Variants in SWT1 observed in about 807,000 individuals in gnomAD.
The protein encoded by SWT1 is SWT1 RNA endoribonuclease homolog, also known as transcriptional protein SWT1.
Under a neutral mutation model 107.3 loss-of-function variants are expected in SWT1, and 33 were observed. That is an observed-to-expected ratio of 0.31 (90% CI 0.23 to 0.41). The LOEUF (loss-of-function observed/expected upper bound fraction) is 0.41. SWT1 is among the 10% of genes least tolerant of loss of function. SWT1 has a pLI of 1.00. For missense variants in SWT1, 898 were observed against 1,028.9 expected (o/e 0.87, Z 1.74); for synonymous variants, 345 against 348.3 (o/e 0.99, Z 0.11).
chr1:185,161,253 T>A (rs1398922510), intron 2 of SWT1, among the ~76,000 whole-genome samples: 1 of 152,198 alleles, frequency 6.6e-6, no homozygotes. Context: ...TAACTCAACA[T>A]TGAACCATTT....
Position 185,184,824 on chromosome 1 carries a change from G to T in SWT1, c.1322G>T (p.Arg441Leu). The T allele has an allele frequency of 6.2e-7, 1 of 1,602,854 alleles. No homozygotes were observed. The highest frequency in any genetic ancestry group is 1.7e-5 in the Admixed American group (1 of 57,774). Residue 441 changes from arginine (R) to leucine (L), a missense_variant, in exon 9 of 19, where the codon CGT becomes CTT. This residue lies in a region of SWT1 where 34 missense variants were observed against 50.2 expected (regional missense o/e 0.68). Transcript: ENST00000367500. ...DRMKEGKLLK[R>L]AQHKAIPAVH... ...ATGAAGGAAGGAAAACTACTAAAACGTGCCCAGCACAAAGCTATACCTGCA... is the reference window on the plus strand; with the variant it reads ...ATGAAGGAAGGAAAACTACTAAAACTTGCCCAGCACAAAGCTATACCTGCA...
intron 4 of SWT1, 73 bp from the exon 5 acceptor site, chr1:185,174,299 T>C: frequency 1.6e-6 from 2 of 1,233,852 alleles, no homozygotes; most frequent in Non-Finnish European, 2.2e-6. Context: ...AATTCTGTTA[T>C]TCTAACTAAA....
intron 16 of SWT1, among the ~76,000 whole-genome samples, chr1:185,267,033 G>A (rs74729345): frequency 0.029 from 4,465 of 152,246 alleles, 117 homozygotes; most frequent in East Asian, 0.049. Context: ...GATGGTAGTG[G>A]TTGTCCTTTT....
intron 10 of SWT1, 112 bp downstream of exon 10, chr1:185,190,754 A>G: frequency 1.6e-6 from 1 of 616,036 alleles, no homozygotes; most frequent in East Asian, 2.8e-5. Context: ...AATTTTCCAA[A>G]TCTGCCAGTA....
intron 16 of SWT1, among the ~76,000 whole-genome samples, chr1:185,259,366 A>G (rs868246343): frequency 5.9e-5 from 9 of 152,192 alleles, no homozygotes; most frequent in South Asian, 2.1e-4. Context: ...ATAGAGAGGA[A>G]GAAACTACGT....
At chr1:185,185,029 A>G in intron 9 of SWT1, 98 bp downstream of exon 9, 1 of 851,602 alleles carries the variant, frequency 1.2e-6, no homozygotes, top group Non-Finnish European at 1.7e-6. Context: ...AAACATTTAA[A>G]CCCATTGGAA....
At chr1:185,165,502 T>C (rs1383817742) in intron 2 of SWT1, among the ~76,000 whole-genome samples, 1 of 152,206 alleles carries the variant, frequency 6.6e-6, no homozygotes, top group East Asian at 1.9e-4. Context: ...AGCACCTTGT[T>C]TTCCTAAATT....
At chr1:185,159,974 T>G (rs1444741146) in intron 1 of SWT1, among the ~76,000 whole-genome samples, 1 of 152,132 alleles carries the variant, frequency 6.6e-6, no homozygotes, top group Non-Finnish European at 1.5e-5. Context: ...TCCGCCTGTC[T>G]CGGCCTCCCA....
chr1:185,259,481 A>G (rs1662873389), intron 16 of SWT1, among the ~76,000 whole-genome samples: 1 of 152,186 alleles, frequency 6.6e-6, no homozygotes, highest in Non-Finnish European at 1.5e-5. Context: ...CTGAGAACTT[A>G]GATTCACAAT....
intron 10 of SWT1, among the ~76,000 whole-genome samples, chr1:185,192,958 T>C (rs1657083036): frequency 6.6e-6 from 1 of 152,190 alleles, no homozygotes; most frequent in Middle Eastern, 3.4e-3. Flanking sequence ...CAGAAAGTAC[T>C]CTCTTGCCTT....
At chr1:185,160,032 T>C (rs1207143836) in intron 1 of SWT1, among the ~76,000 whole-genome samples, 2 of 152,098 alleles carry the variant, frequency 1.3e-5, no homozygotes, top group Admixed American at 6.6e-5. Context: ...CAAGATATAT[T>C]TTACATCCAT....
At chr1:185,236,299 C>T (rs537555042) in intron 16 of SWT1, among the ~76,000 whole-genome samples, 1 of 152,226 alleles carries the variant, frequency 6.6e-6, no homozygotes, top group South Asian at 2.1e-4. Context: ...GGAGGCATCA[C>T]GCTACCTGAC....
At chr1:185,179,776 A>G (rs938723137) in intron 5 of SWT1, among the ~76,000 whole-genome samples, 1 of 152,156 alleles carries the variant, frequency 6.6e-6, no homozygotes, top group South Asian at 2.1e-4. Flanking sequence ...GAATTCTACC[A>G]TGTTTCATGA....
chr1:185,173,190 G>A (rs1448137853), intron 4 of SWT1, among the ~76,000 whole-genome samples: 1 of 151,886 alleles, frequency 6.6e-6, no homozygotes, highest in Non-Finnish European at 1.5e-5. Context: ...TAGAATCTTA[G>A]TAGTTTTTGG....
At chr1:185,240,349 T>C (rs1246308320) in intron 16 of SWT1, among the ~76,000 whole-genome samples, 1 of 152,108 alleles carries the variant, frequency 6.6e-6, no homozygotes, top group East Asian at 1.9e-4. Flanking sequence ...GTAGCTTTAT[T>C]TGAAATGTTT....
At chr1:185,287,186 T>C (rs1426157912) in intron 18 of SWT1, among the ~76,000 whole-genome samples, 1 of 152,178 alleles carries the variant, frequency 6.6e-6, no homozygotes, top group African/African-American at 2.4e-5. Context: ...CCATGCCACT[T>C]TGACCAAATT....
intron 4 of SWT1, among the ~76,000 whole-genome samples, chr1:185,174,015 C>T (rs548209558): frequency 2.0e-5 from 3 of 151,854 alleles, no homozygotes; most frequent in Admixed American, 6.6e-5. Flanking sequence ...AGTGAGAACC[C>T]GTCTCAAAAA....
intron 15 of SWT1, among the ~76,000 whole-genome samples, chr1:185,228,364 T>A (rs886750855): frequency 6.6e-6 from 1 of 151,012 alleles, no homozygotes; most frequent in Non-Finnish European, 1.5e-5. Flanking sequence ...TTACTAGAAA[T>A]CAAAAAAGTT....
chr1:185,281,665 C>T (rs1571706849), intron 18 of SWT1: 1 of 175,428 alleles, frequency 5.7e-6, no homozygotes. Context: ...TTTGGTTGCC[C>T]TGCACAGCCT....
Sources: allele counts gnomAD v4.1 joint callset (sites outside exome capture counted in the v4.1 genomes callset), GRCh38; gene constraint gnomAD v4.1.1; regional missense constraint gnomAD v4.1.1; transcripts MANE v1.5; gene names NCBI Gene and HGNC (gene_info 2026-07-23, HGNC 2026-07-21).